SLC15A5: variants seen among roughly 807,000 people sequenced by gnomAD.
The protein encoded by SLC15A5 is Peptide/histidine transporter ENSP00000340402.
SLC15A5 carries 58 observed loss-of-function variants against 56.1 expected under a neutral mutation model. That is an observed-to-expected ratio of 1.03 (90% CI 0.84 to 1.29). The LOEUF (loss-of-function observed/expected upper bound fraction) is 1.29. Ranked by LOEUF, SLC15A5 falls within the 50% of genes most tolerant of loss-of-function variation. The pLI, the probability that SLC15A5 is intolerant of heterozygous loss-of-function variation, is 0.00. For missense variants in SLC15A5, 681 were observed against 672.1 expected, an observed-to-expected ratio of 1.01 and a Z score of -0.15; for synonymous variants, 264 against 250.5, an observed-to-expected ratio of 1.05 and a Z score of -0.51.
intron 5 of SLC15A5, among the ~76,000 whole-genome samples, chr12:16,231,667 C>T (rs1864301094): frequency 6.6e-6 from 1 of 152,208 alleles, no homozygotes; most frequent in Admixed American, 6.5e-5. Flanking sequence ...GTATGTGTTC[C>T]ATCTCCTCCT....
At position 16,243,461 on chromosome 12, in the gene SLC15A5, GGCCTCCCAAA is replaced by G. The variant is rs1864431997; in HGVS notation, c.975+1109_975+1118del. On this transcript the variant is annotated intron_variant, in intron 4 of 8. Coordinates refer to ENST00000344941, the MANE Select transcript of SLC15A5 (RefSeq NM_001170798.1). This position sits in a 1 kb window ranked among gnomAD's most constrained non-coding sequence, Gnocchi z 4.4. ...CGATCTCAGGTAATCTGCCTGCCTC[GGCCTCCCAAA>G]GTGCTGGGATTACAGGTGTAAGCCA... is the stretch of plus-strand genomic sequence containing the variant. Among the ~76,000 whole-genome samples the G allele has an allele frequency of 6.6e-6, 1 of 151,922 alleles. No homozygotes were observed. Among genetic ancestry groups the G allele is most frequent in the Non-Finnish European group, 1.5e-5 (1 of 67,982 alleles).
At chr12:16,225,090 G>A (rs1018686409) in intron 5 of SLC15A5, among the ~76,000 whole-genome samples, 21 of 152,104 alleles carry the variant, frequency 1.4e-4, no homozygotes, top group Non-Finnish European at 2.9e-4. Context: ...GTATTCCATG[G>A]TGTATATGTG....
chr12:16,251,620 T>C (rs1161198152), intron 3 of SLC15A5, among the ~76,000 whole-genome samples: 2 of 151,612 alleles, frequency 1.3e-5, no homozygotes, highest in Admixed American at 6.6e-5. Context: ...GACTGAATCA[T>C]GACAAAATAA....
intron 3 of SLC15A5, among the ~76,000 whole-genome samples, chr12:16,253,378 A>T (rs973719271): frequency 1.3e-5 from 2 of 152,174 alleles, no homozygotes; most frequent in Non-Finnish European, 1.5e-5. Context: ...ATTGCAAAAC[A>T]TATGTCTGAT....
chr12:16,227,036 A>G (rs576347498), intron 5 of SLC15A5, among the ~76,000 whole-genome samples: 1 of 152,272 alleles, frequency 6.6e-6, no homozygotes, highest in Admixed American at 6.5e-5. Context: ...TTTTTTGATT[A>G]TATCTCAGAA....
intron 8 of SLC15A5, among the ~76,000 whole-genome samples, chr12:16,190,696 C>CAAAAGTT (rs1474024518): frequency 6.6e-6 from 1 of 152,002 alleles, no homozygotes; most frequent in South Asian, 2.1e-4. Flanking sequence ...GTGAAGGTTT[C>CAAAAGTT]AAAAGTTAAT....
intron 1 of SLC15A5, 117 bp downstream of exon 1, chr12:16,277,208 T>TA (rs1203747816): frequency 3.9e-6 from 4 of 1,031,676 alleles, no homozygotes; most frequent in African/African-American, 1.6e-5. Flanking sequence ...CCCACATTCT[T>TA]ACTTCATTTA....
At chr12:16,233,529 G>A (rs76600582) in intron 5 of SLC15A5, among the ~76,000 whole-genome samples, 26,179 of 152,142 alleles carry the variant, frequency 0.17, 2,542 homozygotes, top group Middle Eastern at 0.21. Flanking sequence ...AAAAACAGAC[G>A]GTGGGCCAGA....
At chr12:16,221,504 AAC>A (rs1391147827) in intron 6 of SLC15A5, among the ~76,000 whole-genome samples, 1 of 152,212 alleles carries the variant, frequency 6.6e-6, no homozygotes, top group African/African-American at 2.4e-5. Context: ...GCATCTTAGA[AAC>A]ACACACATTT....
At chr12:16,221,142 G>T (rs1864184053) in intron 6 of SLC15A5, among the ~76,000 whole-genome samples, 1 of 152,102 alleles carries the variant, frequency 6.6e-6, no homozygotes, top group African/African-American at 2.4e-5. Flanking sequence ...TATAGAAATA[G>T]CCGTAGACTT....
In SLC15A5 at chr12:16,258,276, G is replaced by A. The variant is rs531430476; in HGVS notation, c.585-406C>T. Among the ~76,000 whole-genome samples, 7 of 152,222 alleles carry A rather than the reference G, an allele frequency of 4.6e-5. 1 individual carries two copies. The highest frequency in any genetic ancestry group is 1.4e-4 in the African/African-American group (6 of 41,546). ...CTAATGAAACTGGAAGGATTAAAAAGTTAATCCTTCCTGTATATTCCAGTT... is the reference window on the plus strand; with the variant it reads ...CTAATGAAACTGGAAGGATTAAAAAATTAATCCTTCCTGTATATTCCAGTT... On this transcript the variant is annotated intron_variant, in intron 2 of 8. Coordinates refer to ENST00000344941, the MANE Select transcript of SLC15A5 (RefSeq NM_001170798.1).
rs1864365905 is a variant in SLC15A5, at chr12:16,237,734, A to G, written c.1162+1947T>C. Among the ~76,000 whole-genome samples, 1 of 152,164 alleles carries G rather than the reference A, an allele frequency of 6.6e-6. No homozygotes were observed. Among genetic ancestry groups the G allele is most frequent in the Non-Finnish European group, 1.5e-5 (1 of 68,024 alleles). ...TTTCTAGGGTACCCAAAATTTTAAA[A>G]TTTGTGGTAATTAAGCATGATTTGG... On this transcript the variant is annotated intron_variant, in intron 5 of 8. Coordinates refer to ENST00000344941, the MANE Select transcript of SLC15A5 (RefSeq NM_001170798.1). The surrounding 1 kb of genome is among the most constrained non-coding windows in gnomAD (Gnocchi z 4.1).
At chr12:16,248,976 A>G (rs1864491568) in intron 3 of SLC15A5, among the ~76,000 whole-genome samples, 1 of 152,082 alleles carries the variant, frequency 6.6e-6, no homozygotes, top group South Asian at 2.1e-4. Context: ...AGTTATTACT[A>G]TTTTTTAAAA....
intron 5 of SLC15A5, among the ~76,000 whole-genome samples, chr12:16,233,209 T>G (rs1864315044): frequency 6.6e-6 from 1 of 152,310 alleles, no homozygotes; most frequent in South Asian, 2.1e-4. Context: ...AATGCTTATA[T>G]TTTATGAAGG....
intron 7 of SLC15A5, among the ~76,000 whole-genome samples, chr12:16,202,555 A>G (rs575508384): frequency 6.6e-6 from 1 of 152,280 alleles, no homozygotes; most frequent in Admixed American, 6.5e-5. Context: ...TAAACTAAAA[A>G]TAGCATTACC....
At chr12:16,244,483 G>T in intron 4 of SLC15A5, 97 bp downstream of exon 4, 1 of 1,117,518 alleles carries the variant, frequency 8.9e-7, no homozygotes, top group Non-Finnish European at 1.3e-6. Context: ...CGACATATAT[G>T]GAAAGCGCTC....
At position 16,269,056 on chromosome 12, in the gene SLC15A5, A is replaced by G. The variant is rs1186786219; in HGVS notation, c.584+3505T>C. On this transcript the variant is annotated intron_variant, in intron 2 of 8. Coordinates refer to ENST00000344941, the MANE Select transcript of SLC15A5 (RefSeq NM_001170798.1). This position sits in a 1 kb window ranked among gnomAD's most constrained non-coding sequence, Gnocchi z 4.7. ...GACACAGTGAGAAGCCAGCAGTCTT[A>G]CAGCCAGGAAGAGAACCCTCACCAG... Among the ~76,000 whole-genome samples the G allele has an allele frequency of 6.6e-6, 1 of 151,868 alleles. No homozygotes were observed. Among genetic ancestry groups the G allele is most frequent in the Non-Finnish European group, 1.5e-5 (1 of 67,998 alleles).
intron 3 of SLC15A5, among the ~76,000 whole-genome samples, chr12:16,252,051 G>A (rs1864524330): frequency 6.6e-6 from 1 of 151,776 alleles, no homozygotes; most frequent in Admixed American, 6.6e-5. Flanking sequence ...ACAAAATGAA[G>A]GACAAAAACC....
intron 6 of SLC15A5, among the ~76,000 whole-genome samples, chr12:16,222,728 G>C (rs1023540871): frequency 1.3e-5 from 2 of 152,116 alleles, no homozygotes; most frequent in Non-Finnish European, 2.9e-5. Context: ...TTGGTTTTCT[G>C]TACCTCTCTG....
Sources: gnomAD v4.1 joint callset for allele counts (sites outside exome capture counted in the v4.1 genomes callset) on GRCh38, gnomAD v4.1.1 for gene constraint, Gnocchi (gnomAD v3.1) non-coding constraint, MANE v1.5 for transcripts, NCBI Gene and HGNC (gene_info 2026-07-23, HGNC 2026-07-21) for gene names.